ALMS1: variants seen among roughly 807,000 people sequenced by gnomAD.
ALMS1 encodes the protein centrosome-associated protein ALMS1.
Under a neutral mutation model 352.2 loss-of-function variants are expected in ALMS1, and 271 were observed. The ratio of observed to expected loss-of-function variants is 0.77; its 90% CI spans 0.70 to 0.85. The LOEUF (loss-of-function observed/expected upper bound fraction) is 0.85. Ranked by LOEUF, ALMS1 falls within the 40% of genes least tolerant of loss-of-function variation. ALMS1 has a pLI of 0.00. For synonymous variants in ALMS1, 1,865 were observed against 1,761.2 expected (o/e 1.06, Z -1.48); for missense variants, 5,445 against 4,870.7 (o/e 1.12, Z -3.51).
rs780314593 is a variant in ALMS1, at chr2:73,408,697, A to G, written c.400A>G (p.Asn134Asp). The stretch of plus-strand genomic sequence containing the variant: ...TAGTAGAACACAAATTTCTGATACT[A>G]ATGTGGTCTGTTTGGAAACAACAGC... ...GNSRTQISDTNVVCLETTAQR... is the reference protein window; with the variant it reads ...GNSRTQISDTDVVCLETTAQR... The change falls in exon 2 of 23, where the codon AAT (asparagine) becomes GAT (aspartate). Residue 134 changes from asparagine to aspartate, a missense_variant. Transcript: ENST00000613296. 26 of 1,613,682 alleles carry G rather than the reference A, an allele frequency of 1.6e-5. No individual in the cohort carries two copies. The highest frequency in any genetic ancestry group is 2.2e-5 in the Non-Finnish European group (26 of 1,179,820).
intron 9 of ALMS1, among the ~76,000 whole-genome samples, chr2:73,484,116 A>G (rs1237259612): frequency 6.6e-6 from 1 of 151,690 alleles, no homozygotes; most frequent in Non-Finnish European, 1.5e-5. Context: ...TCCTGTCATT[A>G]TGATGTTAGC....
At chr2:73,415,982 A>C (rs1671174859) in intron 2 of ALMS1, among the ~76,000 whole-genome samples, 1 of 152,202 alleles carries the variant, frequency 6.6e-6, no homozygotes, top group Non-Finnish European at 1.5e-5. Context: ...CAGTAGAGGA[A>C]CTAGAGAGTA....
chr2:73,507,254 C>G (rs1673347135), intron 10 of ALMS1, among the ~76,000 whole-genome samples: 1 of 152,058 alleles, frequency 6.6e-6, no homozygotes, highest in Non-Finnish European at 1.5e-5. Flanking sequence ...TTTGTTGTGT[C>G]TCTGCCAGGT....
rs187725621 is a variant in ALMS1 at position 73,502,796 on chromosome 2, T to C, written c.9539+11298T>C. 1.0e-3 allele frequency among the ~76,000 whole-genome samples: 156 copies of C among 152,276 alleles called. 1 individual carries two copies. The highest frequency in any genetic ancestry group is 0.01 in the Middle Eastern group (3 of 294). ...TGAAAACAGCATACATCTCCAGTTA[T>C]GTTTGTGTGTTTTCTGTTTCTCCTT... is the stretch of plus-strand genomic sequence containing the variant. On this transcript the variant is annotated intron_variant, in intron 10 of 22. Transcript: ENST00000613296.
chr2:73,464,819 C>G (rs772067039), intron 9 of ALMS1, among the ~76,000 whole-genome samples: 15 of 152,082 alleles, frequency 9.9e-5, no homozygotes, highest in South Asian at 2.1e-4. Flanking sequence ...AAGAGCGAGC[C>G]AAATCATGAG....
chr2:73,502,759 T>G (rs985521195), intron 10 of ALMS1, among the ~76,000 whole-genome samples: 1 of 152,172 alleles, frequency 6.6e-6, no homozygotes, highest in Non-Finnish European at 1.5e-5. Context: ...ATCTGCTTGT[T>G]TAATCAGCAT....
chr2:73,442,171 T>C (rs1169018569), intron 7 of ALMS1, among the ~76,000 whole-genome samples: 1 of 152,076 alleles, frequency 6.6e-6, no homozygotes, highest in Admixed American at 6.6e-5. Context: ...AAAACCACAA[T>C]CCAGAATGGT....
chr2:73,468,917 T>C (rs1199007822), intron 9 of ALMS1, among the ~76,000 whole-genome samples: 1 of 151,976 alleles, frequency 6.6e-6, no homozygotes, highest in Non-Finnish European at 1.5e-5. Flanking sequence ...TTAACTGTCC[T>C]CTACCCCACA....
At chr2:73,459,861 C>T (rs1341866411) in intron 9 of ALMS1, among the ~76,000 whole-genome samples, 1 of 152,136 alleles carries the variant, frequency 6.6e-6, no homozygotes, top group African/African-American at 2.4e-5. Context: ...GCTTGGTGTG[C>T]TTATTGATAC....
At chr2:73,529,138 G>A (rs940734161) in intron 11 of ALMS1, among the ~76,000 whole-genome samples, 1 of 150,626 alleles carries the variant, frequency 6.6e-6, no homozygotes, top group Non-Finnish European at 1.5e-5. Flanking sequence ...CTGCCGCCTG[G>A]GTTCAAGCAA....
At position 73,526,865 on chromosome 2, in the gene ALMS1, C is replaced by T. The variant is rs1673801958; in HGVS notation, c.9781+6849C>T. The stretch of plus-strand genomic sequence containing the variant: ...CATGTTCCACATCTTAGAGGAAAGG[C>T]TTTCAGTTTCTTCCCCATTCAGTAT... On this transcript the variant is annotated intron_variant, in intron 11 of 22. Transcript: ENST00000613296. Among the ~76,000 whole-genome samples the T allele has an allele frequency of 3.9e-5, 6 of 152,146 alleles. 1 individual carries two copies. The South Asian group carries it at 1.2e-3, about 31-fold the overall frequency.
chr2:73,591,532 C>T (rs1051159050), intron 16 of ALMS1, among the ~76,000 whole-genome samples: 1 of 152,076 alleles, frequency 6.6e-6, no homozygotes, highest in Non-Finnish European at 1.5e-5. Context: ...CATATGGACA[C>T]CTTATAAAAA....
chr2:73,447,877 G>T, intron 7 of ALMS1, 83 bp from the exon 8 acceptor site: 1 of 1,406,296 alleles, frequency 7.1e-7, no homozygotes, highest in Non-Finnish European at 9.3e-7. Flanking sequence ...GCTTTTTAAA[G>T]GCTCAAAGCT....
At chr2:73,443,051 G>C (rs546312169) in intron 7 of ALMS1, among the ~76,000 whole-genome samples, 1 of 152,148 alleles carries the variant, frequency 6.6e-6, no homozygotes, top group South Asian at 2.1e-4. Flanking sequence ...GATTCTATCA[G>C]ACTCCCATTC....
chr2:73,493,278 C>G (rs1332581400), intron 10 of ALMS1, among the ~76,000 whole-genome samples: 3 of 151,424 alleles, frequency 2.0e-5, no homozygotes, highest in African/African-American at 4.9e-5. Context: ...ATCACATGGC[C>G]ATTGAGCATT....
Position 73,419,212 on chromosome 2 carries a change from A to C in ALMS1, c.540A>C (p.Glu180Asp). The change falls in exon 3 of 23, where the codon GAA (glutamate) becomes GAC (aspartate). Residue 180 changes from glutamate to aspartate, a missense_variant. Coordinates refer to ENST00000613296, the MANE Select transcript of ALMS1 (RefSeq NM_001378454.1). ...AGACTAGGTTTAATGTGAGAACGGA[A>C]GATACTGAAGTGACAGACTTCCCCT... ...TSQTRFNVRTEDTEVTDFPSL... is the reference protein window; with the variant it reads ...TSQTRFNVRTDDTEVTDFPSL... The C allele has an allele frequency of 6.2e-7, 1 of 1,614,008 alleles. No homozygotes were observed.
rs202187648 is a variant in ALMS1, at chr2:73,529,505, GTATT to G, written c.9782-5314_9782-5311del. On this transcript the variant is annotated intron_variant, in intron 11 of 22. Transcript: ENST00000613296. The stretch of plus-strand genomic sequence containing the variant: ...TGGTGTCTGAGCATTGAAGAATTAG[GTATT>G]TATTGTAGTCTTCACAGTCTGACTT... Among the ~76,000 whole-genome samples, 877 of 152,250 alleles carry G rather than the reference GTATT, an allele frequency of 5.8e-3. 11 individuals are homozygous for G. Among genetic ancestry groups the G allele is most frequent in the African/African-American group, 0.02 (832 of 41,530 alleles).
At chr2:73,558,504 G>C (rs1369021187) in intron 14 of ALMS1, among the ~76,000 whole-genome samples, 1 of 152,170 alleles carries the variant, frequency 6.6e-6, no homozygotes, top group Non-Finnish European at 1.5e-5. Context: ...TAGAACTGTA[G>C]AGTCCACTCT....
Position 73,451,005 on chromosome 2 carries a change from G to C in ALMS1, c.4478G>C (p.Gly1493Ala), listed in dbSNP as rs1347210507. 2 of 1,613,984 alleles carry C rather than the reference G, an allele frequency of 1.2e-6. No homozygotes were observed. The change falls in exon 8 of 23, where the codon GGT becomes GCT. Residue 1493 changes from glycine (G) to alanine (A), a missense_variant. Gly to Ala is a moderately conservative substitution (Grantham distance 60). Transcript: ENST00000613296. The part of the protein sequence containing the change: ...IVIYKQAFPE[G>A]HLPEESLKVS... ...ATCTACAAACAGGCCTTTCCAGAGG[G>C]TCATCTACCTGAAGAGTCTCTGAAA...
Sources: gnomAD v4.1 joint callset for allele counts (sites outside exome capture counted in the v4.1 genomes callset) on GRCh38, gnomAD v4.1.1 for gene constraint, MANE v1.5 for transcripts, NCBI Gene and HGNC (gene_info 2026-07-23, HGNC 2026-07-21) for gene names.